The following FBXO32 variants were observed in gnomAD, a reference collection of about 807,000 sequenced individuals.
FBXO32 encodes the protein F-box protein 32, also known as F-box only protein 32.
A neutral mutation model predicts 48.3 loss-of-function variants in FBXO32; 15 were observed. The observed-to-expected ratio is 0.31, with a 90% CI of 0.21 to 0.48. The LOEUF (loss-of-function observed/expected upper bound fraction) is 0.48, where lower values mean the gene tolerates loss of function less well. Among genes scored for constraint, FBXO32 ranks in the 20% least tolerant of loss-of-function variants. The pLI is 0.99. For synonymous variants in FBXO32, 154 were observed against 165.9 expected (o/e 0.93, Z 0.55); for missense variants, 309 against 432.7 (o/e 0.71, Z 2.54).
intron 3 of FBXO32, among the ~76,000 whole-genome samples, chr8:123,532,549 C>G (rs1817230992): frequency 6.6e-6 from 1 of 152,154 alleles, no homozygotes; most frequent in Non-Finnish European, 1.5e-5. Flanking sequence ...CAGCTCTGCT[C>G]TGAGTATCTG....
chr8:123,514,024 A>C (rs1429652357), intron 5 of FBXO32: 2 of 479,464 alleles, frequency 4.2e-6, no homozygotes, highest in Non-Finnish European at 7.3e-6. Flanking sequence ...ATGGTCCCAA[A>C]GAAAGGACAG....
At chr8:123,532,904 A>C (rs959246777) in intron 3 of FBXO32, among the ~76,000 whole-genome samples, 1 of 152,270 alleles carries the variant, frequency 6.6e-6, no homozygotes. Flanking sequence ...GGCAAAACCC[A>C]GGGCAATATA....
chr8:123,503,540 C>A lies in FBXO32; in HGVS notation c.979-78G>T, dbSNP rs920723702. ...TTTAGCACCATAAGGCATTTTCCAA[C>A]TTCAAAGCAACAATTCTCTGTCAAT... On this transcript the variant is annotated intron_variant, in intron 8 of 8. Coordinates refer to ENST00000517956, the MANE Select transcript of FBXO32 (RefSeq NM_058229.4). 2.6e-5 allele frequency: 28 copies of A among 1,085,192 alleles called. No homozygotes were observed. The Admixed American group carries it at 4.8e-4, about 19-fold the overall frequency. 67.2% of individuals were successfully genotyped at this position (1,085,192 alleles called of 1,614,324 possible).
intron 8 of FBXO32, among the ~76,000 whole-genome samples, chr8:123,503,813 C>T (rs1010378050): frequency 6.6e-6 from 1 of 152,166 alleles, no homozygotes. Flanking sequence ...CACGATGGCT[C>T]ACACCTGTAA....
intron 4 of FBXO32, among the ~76,000 whole-genome samples, chr8:123,521,615 C>A (rs955277312): frequency 6.6e-6 from 1 of 152,158 alleles, no homozygotes; most frequent in Admixed American, 6.6e-5. Context: ...TTTAAAAGGA[C>A]AAAACCACAA....
At chr8:123,517,423 C>T (rs527742503) in intron 4 of FBXO32, among the ~76,000 whole-genome samples, 5 of 151,696 alleles carry the variant, frequency 3.3e-5, no homozygotes, top group African/African-American at 7.3e-5. Flanking sequence ...GACAGCATAA[C>T]GACATGTTAA....
At chr8:123,514,387 T>A in intron 4 of FBXO32, 54 bp from the exon 5 acceptor site, 1 of 1,433,706 alleles carries the variant, frequency 7.0e-7, no homozygotes, top group Admixed American at 2.0e-5. Context: ...ATTTTTCTCC[T>A]CTAATCTTCA....
intron 4 of FBXO32, among the ~76,000 whole-genome samples, chr8:123,521,023 C>T (rs1563923343): frequency 6.6e-6 from 1 of 152,224 alleles, no homozygotes; most frequent in Non-Finnish European, 1.5e-5. Flanking sequence ...GTGGCCTGCC[C>T]CGGGCTCAGA....
At position 123,505,446 on chromosome 8, in the gene FBXO32, C is replaced by T. The variant is rs74627844; in HGVS notation, c.835-699G>A. On this transcript the variant is annotated intron_variant, in intron 7 of 8. Transcript: ENST00000517956. ...AAATGAAATGATATCTGTAAAAGTA[C>T]TCTACCACACAGGGTGCGGTGGCTC... Among the ~76,000 whole-genome samples, 160 of 139,934 alleles carry T rather than the reference C, an allele frequency of 1.1e-3. 7 individuals are homozygous for T. The East Asian group carries it at 0.045, about 39-fold the overall frequency. The allele number at this position is 139,934 out of a possible 152,430, so 91.8% of individuals were successfully genotyped here.
At chr8:123,537,844 G>A (rs1414477246) in intron 1 of FBXO32, among the ~76,000 whole-genome samples, 1 of 152,154 alleles carries the variant, frequency 6.6e-6, no homozygotes, top group Admixed American at 6.5e-5. Context: ...TAACATTTGA[G>A]TCAGTCTTCA....
At position 123,540,786 on chromosome 8, in the gene FBXO32, T is replaced by C; in HGVS notation, c.116+113A>G. 1.2e-6 allele frequency: 1 copy of C among 860,982 alleles called. No homozygotes were observed. The highest frequency in any genetic ancestry group is 1.8e-6 in the Non-Finnish European group (1 of 542,642). 53.3% of individuals were successfully genotyped at this position (860,982 alleles called of 1,614,324 possible). A position where few individuals can be genotyped will look rare whatever the true frequency, so the allele number is the denominator to read the frequency against. On this transcript the variant is annotated intron_variant, in intron 1 of 8. Coordinates refer to ENST00000517956, the MANE Select transcript of FBXO32 (RefSeq NM_058229.4). The surrounding 1 kb of genome is among the most constrained non-coding windows in gnomAD (Gnocchi z 6.4). ...TAGTCCCACCCTCCGGGTCAGGGTC[T>C]CCCTCCTCAGCCCGCTCCAGCCCTG...
intron 4 of FBXO32, among the ~76,000 whole-genome samples, chr8:123,522,504 T>C (rs779637117): frequency 1.3e-5 from 2 of 152,216 alleles, no homozygotes; most frequent in Non-Finnish European, 2.9e-5. Flanking sequence ...CCCCCACACC[T>C]GGCCCTGGTT....
chr8:123,514,482 C>T (rs916757809), intron 4 of FBXO32, 149 bp from the exon 5 acceptor site: 5 of 510,210 alleles, frequency 9.8e-6, no homozygotes, highest in African/African-American at 7.9e-5. Context: ...AAAGCAGATG[C>T]TCAGAGTGAA....
intron 6 of FBXO32, among the ~76,000 whole-genome samples, chr8:123,512,545 T>C (rs1816756536): frequency 1.3e-5 from 2 of 151,474 alleles, no homozygotes; most frequent in Admixed American, 6.6e-5. Context: ...TTTTTTTTTT[T>C]TTTCTTGTGC....
chr8:123,514,360 G>C, intron 4 of FBXO32, 27 bp from the exon 5 acceptor site: 6 of 1,582,156 alleles, frequency 3.8e-6, no homozygotes, highest in Non-Finnish European at 4.3e-6. Context: ...AAGTTGCCAG[G>C]CTTAGAGTAC....
intron 6 of FBXO32, among the ~76,000 whole-genome samples, chr8:123,512,212 C>T (rs1377944174): frequency 6.6e-6 from 1 of 152,204 alleles, no homozygotes; most frequent in Non-Finnish European, 1.5e-5. Context: ...AAGGAAGTCA[C>T]ATACCTCTGA....
chr8:123,512,327 G>A (rs1480348174), intron 6 of FBXO32, among the ~76,000 whole-genome samples: 1 of 152,144 alleles, frequency 6.6e-6, no homozygotes, highest in African/African-American at 2.4e-5. Flanking sequence ...TAGTAAAACA[G>A]TTATTTAAAA....
At chr8:123,510,737 CCATT>C (rs1185069094) in intron 6 of FBXO32, among the ~76,000 whole-genome samples, 5 of 152,236 alleles carry the variant, frequency 3.3e-5, no homozygotes, top group Non-Finnish European at 5.9e-5. Flanking sequence ...TCCCTTTCAA[CCATT>C]CATTCATTCA....
At chr8:123,521,589 T>C (rs1248214246) in intron 4 of FBXO32, among the ~76,000 whole-genome samples, 1 of 152,212 alleles carries the variant, frequency 6.6e-6, no homozygotes, top group African/African-American at 2.4e-5. Flanking sequence ...AAATAGCAGC[T>C]TCCTCTACCT....
Sources: gnomAD v4.1 joint callset for allele counts (sites outside exome capture counted in the v4.1 genomes callset) on GRCh38, gnomAD v4.1.1 for gene constraint, Gnocchi (gnomAD v3.1) non-coding constraint, MANE v1.5 for transcripts, NCBI Gene and HGNC (gene_info 2026-07-23, HGNC 2026-07-21) for gene names.